GALNT13: variants seen among roughly 807,000 people sequenced by gnomAD.
The protein encoded by GALNT13 is UDP-GalNAc:polypeptide N-acetylgalactosaminyltransferase 13.
GALNT13 carries 28 observed loss-of-function variants against 64.2 expected under a neutral mutation model. That is an observed-to-expected ratio of 0.44 (90% CI 0.32 to 0.60). The LOEUF (loss-of-function observed/expected upper bound fraction) is 0.60. Among genes scored for constraint, GALNT13 ranks in the 20% least tolerant of loss-of-function variants. The probability of loss-of-function intolerance (pLI) is 0.05; values close to 1 mark genes in which losing one functional copy is unlikely to be tolerated. For synonymous variants in GALNT13, 214 were observed against 224.6 expected, an observed-to-expected ratio of 0.95 and a Z score of 0.42; for missense variants, 577 against 669.8, an observed-to-expected ratio of 0.86 and a Z score of 1.53.
In GALNT13 at chr2:154,364,914, G is replaced by A. The variant is rs182017327; in HGVS notation, c.1157-31077G>A. Reference sequence around the variant, plus strand: ...TTGAACTCCTGACCTCAAGTGATTCGCCCGCCTCGGCCTTCCAAAAGTGCT... The same window carrying A: ...TTGAACTCCTGACCTCAAGTGATTCACCCGCCTCGGCCTTCCAAAAGTGCT... On this transcript the variant is annotated intron_variant, in intron 9 of 12. Transcript: ENST00000392825. 6.2e-3 allele frequency among the ~76,000 whole-genome samples: 938 copies of A among 152,134 alleles called. 20 individuals carry two copies. Among genetic ancestry groups the A allele is most frequent in the Non-Finnish European group, 4.6e-3 (312 of 67,972 alleles).
chr2:153,415,641 C>A, the GALNT13 span, among the ~76,000 whole-genome samples: 1 of 152,006 alleles, frequency 6.6e-6, no homozygotes, highest in Admixed American at 6.6e-5. Context: ...ACAATGTTCA[C>A]CATATGAAAT....
intron 3 of GALNT13, among the ~76,000 whole-genome samples, chr2:154,002,405 G>A (rs1419394971): frequency 6.6e-6 from 1 of 151,742 alleles, no homozygotes; most frequent in African/African-American, 2.4e-5. Context: ...CTGTCTTCAA[G>A]CTCACTGATT....
chr2:153,323,749 CT>C, the GALNT13 span, among the ~76,000 whole-genome samples: 1 of 152,108 alleles, frequency 6.6e-6, no homozygotes, highest in Non-Finnish European at 1.5e-5. Flanking sequence ...ATGGGAAATC[CT>C]TTCCCCATTG....
the GALNT13 span, among the ~76,000 whole-genome samples, chr2:153,756,229 T>G: frequency 6.6e-6 from 1 of 152,286 alleles, no homozygotes; most frequent in East Asian, 1.9e-4. Flanking sequence ...CTATGATCAA[T>G]TTAATATCTT....
At chr2:154,443,624 T>C (rs898054673) in intron 12 of GALNT13, among the ~76,000 whole-genome samples, 3 of 152,106 alleles carry the variant, frequency 2.0e-5, no homozygotes, top group Non-Finnish European at 4.4e-5. Flanking sequence ...ATTAGTATGT[T>C]TTAATACCAA....
chr2:153,368,204 G>T, the GALNT13 span, among the ~76,000 whole-genome samples: 1 of 152,116 alleles, frequency 6.6e-6, no homozygotes, highest in South Asian at 2.1e-4. Flanking sequence ...TCCTCAAAGT[G>T]GTGGTATTAG....
At chr2:153,719,325 A>G in the GALNT13 span, among the ~76,000 whole-genome samples, 11 of 152,328 alleles carry the variant, frequency 7.2e-5, no homozygotes, top group East Asian at 2.1e-3. Context: ...TGTTCAACTT[A>G]CAAAGAACAT....
the GALNT13 span, among the ~76,000 whole-genome samples, chr2:153,726,317 A>G: frequency 1.3e-5 from 2 of 152,094 alleles, no homozygotes; most frequent in African/African-American, 4.8e-5. Flanking sequence ...ACTCTCATAG[A>G]TGTGACTCGT....
intron 8 of GALNT13, among the ~76,000 whole-genome samples, chr2:154,277,390 C>A (rs76974616): frequency 0.019 from 2,914 of 152,186 alleles, 68 homozygotes; most frequent in African/African-American, 0.059. Context: ...AAAGAGCCAA[C>A]TTTAAATCTC....
intron 8 of GALNT13, among the ~76,000 whole-genome samples, chr2:154,260,677 A>T (rs553502754): frequency 6.6e-6 from 1 of 152,308 alleles, no homozygotes; most frequent in South Asian, 2.1e-4. Context: ...GAGAACCCAA[A>T]ATTATTACCT....
At chr2:153,175,015 G>A in the GALNT13 span, among the ~76,000 whole-genome samples, 1 of 151,988 alleles carries the variant, frequency 6.6e-6, no homozygotes, top group Admixed American at 6.5e-5. Context: ...ATTACTCTGG[G>A]TGTTTGATCA....
At chr2:153,784,237 G>A in the GALNT13 span, among the ~76,000 whole-genome samples, 1 of 152,202 alleles carries the variant, frequency 6.6e-6, no homozygotes, top group Admixed American at 6.5e-5. Flanking sequence ...GTGAAGTCCA[G>A]GCTGAGGTGG....
chr2:153,841,010 C>T, the GALNT13 span, among the ~76,000 whole-genome samples: 27 of 151,978 alleles, frequency 1.8e-4, no homozygotes, highest in South Asian at 1.5e-3. Context: ...TAAATAAGAG[C>T]GCTTATGTTC....
At chr2:154,315,166 G>A (rs892377089) in intron 9 of GALNT13, among the ~76,000 whole-genome samples, 3 of 151,976 alleles carry the variant, frequency 2.0e-5, no homozygotes, top group African/African-American at 7.2e-5. Context: ...CTTTTTTACA[G>A]GACATTAAAC....
intron 3 of GALNT13, among the ~76,000 whole-genome samples, chr2:154,006,953 G>A (rs1221355023): frequency 1.3e-5 from 2 of 152,136 alleles, no homozygotes; most frequent in Non-Finnish European, 2.9e-5. Context: ...GATGTGATGG[G>A]ATATTATAAC....
chr2:153,181,425 C>T, the GALNT13 span, among the ~76,000 whole-genome samples: 3 of 151,084 alleles, frequency 2.0e-5, no homozygotes, highest in African/African-American at 7.3e-5. Context: ...TGTGGCCTAA[C>T]ATAAGATCTA....
chr2:153,395,985 T>C, the GALNT13 span, among the ~76,000 whole-genome samples: 2 of 152,182 alleles, frequency 1.3e-5, no homozygotes, highest in African/African-American at 2.4e-5. Flanking sequence ...TTGTCACAAC[T>C]ATTCAATTCT....
At chr2:154,301,751 T>G (rs1402765330) in intron 9 of GALNT13, among the ~76,000 whole-genome samples, 162 bp downstream of exon 9, 1 of 152,166 alleles carries the variant, frequency 6.6e-6, no homozygotes, top group Non-Finnish European at 1.5e-5. Context: ...TGAAGTAAAT[T>G]TTGATGTAAA....
At chr2:153,507,228 G>A in the GALNT13 span, among the ~76,000 whole-genome samples, 7 of 151,600 alleles carry the variant, frequency 4.6e-5, no homozygotes, top group Non-Finnish European at 5.9e-5. Flanking sequence ...TTATTTCACT[G>A]AAGAATTTTT....
Sources: allele counts gnomAD v4.1 joint callset (sites outside exome capture counted in the v4.1 genomes callset), GRCh38; gene constraint gnomAD v4.1.1; transcripts MANE v1.5; gene names NCBI Gene and HGNC (gene_info 2026-07-23, HGNC 2026-07-21).